The following SCFD1 variants were observed in gnomAD, a reference collection of about 807,000 sequenced individuals.
The protein encoded by SCFD1 is sec1 family domain-containing protein 1.
Under a neutral mutation model 103.2 loss-of-function variants are expected in SCFD1, and 37 were observed. The observed-to-expected ratio is 0.36, with a 90% CI of 0.28 to 0.47. SCFD1 has a LOEUF of 0.47. SCFD1 is among the 20% of genes least tolerant of loss of function. The pLI is 1.00. For synonymous variants in SCFD1, 264 were observed against 245.0 expected (o/e 1.08, Z -0.73); for missense variants, 639 against 761.2 (o/e 0.84, Z 1.89).
chr14:30,704,262 C>T (rs1891316603), intron 17 of SCFD1, among the ~76,000 whole-genome samples: 1 of 152,024 alleles, frequency 6.6e-6, no homozygotes, highest in Non-Finnish European at 1.5e-5. Flanking sequence ...TGTAACCTCA[C>T]AGTCCTGGGC....
chr14:30,725,793 C>A (rs1446675044), intron 23 of SCFD1, among the ~76,000 whole-genome samples: 3 of 152,104 alleles, frequency 2.0e-5, no homozygotes, highest in Non-Finnish European at 4.4e-5. Context: ...TAGTACTCCT[C>A]TAGTTTCATA....
chr14:30,656,665 A>G (rs950070567), intron 10 of SCFD1, among the ~76,000 whole-genome samples: 3 of 152,140 alleles, frequency 2.0e-5, no homozygotes, highest in African/African-American at 7.2e-5. Flanking sequence ...GAGGGCAAGT[A>G]AAGAGTCTGG....
intron 23 of SCFD1, among the ~76,000 whole-genome samples, chr14:30,728,422 T>C (rs1229815630): frequency 6.6e-6 from 1 of 152,228 alleles, no homozygotes; most frequent in Non-Finnish European, 1.5e-5. Context: ...AAATTGTTTC[T>C]GCTGCGGCCT....
At chr14:30,667,474 C>T (rs994233404) in intron 10 of SCFD1, among the ~76,000 whole-genome samples, 2 of 152,280 alleles carry the variant, frequency 1.3e-5, no homozygotes, top group Non-Finnish European at 1.5e-5. Flanking sequence ...AAACTGGAAG[C>T]ATTCCCTTTG....
intron 14 of SCFD1, among the ~76,000 whole-genome samples, chr14:30,680,277 G>T (rs944908081): frequency 3.3e-5 from 5 of 152,180 alleles, no homozygotes; most frequent in African/African-American, 1.2e-4. Flanking sequence ...CAAACAACCT[G>T]TGTTAGCCAG....
At position 30,682,018 on chromosome 14, in the gene SCFD1, T is replaced by C. The variant is rs116508285; in HGVS notation, c.1242+6953T>C. 3.7e-3 allele frequency among the ~76,000 whole-genome samples: 562 copies of C among 152,316 alleles called. 7 individuals are homozygous for C. Among genetic ancestry groups the C allele is most frequent in the African/African-American group, 0.013 (532 of 41,582 alleles). On this transcript the variant is annotated intron_variant, in intron 14 of 24. Transcript: ENST00000458591. Reference sequence around the variant, plus strand: ...ATTTTTATTATCTAGAGTGGAAAGATTGCATATTCTTTGAATAATCTATAA... The same window carrying C: ...ATTTTTATTATCTAGAGTGGAAAGACTGCATATTCTTTGAATAATCTATAA...
chr14:30,724,454 C>T lies in SCFD1; in HGVS notation c.1836+1895C>T, dbSNP rs987706076. On this transcript the variant is annotated intron_variant, in intron 23 of 24. Transcript: ENST00000458591. ...TTTTAGTAGACACGGAGTTACACCA[C>T]GTTGGCCAGATTGGTCTTGAACTCC... Among the ~76,000 whole-genome samples, 10 of 151,666 alleles carry T rather than the reference C, an allele frequency of 6.6e-5. No homozygotes were observed. The East Asian group carries it at 7.7e-4, about 12-fold the overall frequency.
intron 21 of SCFD1, 184 bp from the exon 22 acceptor site, chr14:30,721,700 T>G (rs1396308494): frequency 1.6e-5 from 9 of 574,256 alleles, no homozygotes; most frequent in South Asian, 2.3e-5. Context: ...TCTAGCTGCT[T>G]CTTAATGAAA....
At chr14:30,649,729 A>T in intron 8 of SCFD1, 146 bp downstream of exon 8, 1 of 634,640 alleles carries the variant, frequency 1.6e-6, no homozygotes. Flanking sequence ...TATTACATTG[A>T]GATTGCACCG....
At chr14:30,624,268 G>A (rs1035234695) in intron 1 of SCFD1, among the ~76,000 whole-genome samples, 10 of 152,102 alleles carry the variant, frequency 6.6e-5, no homozygotes, top group Non-Finnish European at 1.2e-4. Context: ...ATGCGTCTTC[G>A]TTACAGGTTC....
At chr14:30,630,593 G>A (rs755605175) in intron 3 of SCFD1, 28 bp downstream of exon 3, 3 of 1,268,192 alleles carry the variant, frequency 2.4e-6, no homozygotes, top group Non-Finnish European at 3.5e-6. Flanking sequence ...TCTAATAGTG[G>A]TATTCATTTA....
At chr14:30,657,961 A>G (rs230343) in intron 10 of SCFD1, 129,430 of 357,184 alleles carry the variant, frequency 0.36, 28,954 homozygotes, top group African/African-American at 0.7. Context: ...GGAAATACAC[A>G]CTTCTGGTTA....
At chr14:30,701,867 C>A (rs1464712201) in intron 16 of SCFD1, among the ~76,000 whole-genome samples, 1 of 151,888 alleles carries the variant, frequency 6.6e-6, no homozygotes, top group Non-Finnish European at 1.5e-5. Flanking sequence ...GAATCTGGAC[C>A]CCTAGAATGA....
chr14:30,705,691 C>T (rs1476410824), intron 17 of SCFD1, 132 bp from the exon 18 acceptor site: 2 of 639,020 alleles, frequency 3.1e-6, no homozygotes, highest in South Asian at 1.9e-5. Flanking sequence ...TACTTGTATT[C>T]GTTGAAAAAT....
intron 10 of SCFD1, among the ~76,000 whole-genome samples, chr14:30,664,064 A>G (rs755585427): frequency 1.3e-5 from 2 of 152,176 alleles, no homozygotes; most frequent in Non-Finnish European, 2.9e-5. Flanking sequence ...GAATGGACAG[A>G]CTGCCTCCTC....
chr14:30,638,014 G>T, intron 4 of SCFD1, 111 bp from the exon 5 acceptor site: 3 of 1,292,146 alleles, frequency 2.3e-6, no homozygotes, highest in Non-Finnish European at 3.0e-6. Context: ...TTTTTTGATT[G>T]TCATTTAAAT....
chr14:30,634,507 A>T (rs928834496), intron 4 of SCFD1, among the ~76,000 whole-genome samples: 1 of 152,188 alleles, frequency 6.6e-6, no homozygotes, highest in Non-Finnish European at 1.5e-5. Context: ...ACGGTTCAGT[A>T]CTACCTGGTT....
chr14:30,666,083 C>T (rs1441472321), intron 10 of SCFD1, among the ~76,000 whole-genome samples: 1 of 152,130 alleles, frequency 6.6e-6, no homozygotes, highest in African/African-American at 2.4e-5. Context: ...ACTCTCCACC[C>T]CAAATCAACA....
intron 23 of SCFD1, among the ~76,000 whole-genome samples, chr14:30,723,282 A>G (rs1415410345): frequency 2.6e-5 from 4 of 151,858 alleles, no homozygotes; most frequent in African/African-American, 9.7e-5. Flanking sequence ...ACAAATAACT[A>G]CTCTTGGGAG....
Sources: allele counts gnomAD v4.1 joint callset (sites outside exome capture counted in the v4.1 genomes callset), GRCh38; gene constraint gnomAD v4.1.1; transcripts MANE v1.5; gene names NCBI Gene and HGNC (gene_info 2026-07-23, HGNC 2026-07-21).